Variants in CLEC16A observed in about 807,000 individuals in gnomAD.
The protein encoded by CLEC16A is protein CLEC16A.
A neutral mutation model predicts 109.5 loss-of-function variants in CLEC16A; 51 were observed. The ratio of observed to expected loss-of-function variants is 0.47; its 90% CI spans 0.37 to 0.59. The LOEUF is 0.59. Ranked by LOEUF, CLEC16A falls within the 20% of genes least tolerant of loss-of-function variation. CLEC16A has a pLI of 0.00. For synonymous variants in CLEC16A, 673 were observed against 564.2 expected, an observed-to-expected ratio of 1.19 and a Z score of -2.73; for missense variants, 1,339 against 1,394.0, an observed-to-expected ratio of 0.96 and a Z score of 0.63.
At chr16:11,065,790 G>A (rs1223718215) in intron 19 of CLEC16A, among the ~76,000 whole-genome samples, 1 of 152,216 alleles carries the variant, frequency 6.6e-6, no homozygotes, top group Non-Finnish European at 1.5e-5. Context: ...TTTAAGGATG[G>A]CAGAGGTGAG....
intron 22 of CLEC16A, among the ~76,000 whole-genome samples, chr16:11,137,111 A>G (rs981776441): frequency 6.6e-6 from 1 of 152,224 alleles, no homozygotes; most frequent in Non-Finnish European, 1.5e-5. Context: ...CATGACTTGC[A>G]TCTGTGTCTC....
Position 10,971,117 on chromosome 16 carries a change from T to G in CLEC16A, c.493-8T>G, listed in dbSNP as rs747798193. The G allele has an allele frequency of 3.1e-6, 5 of 1,600,962 alleles. No individual in the cohort carries two copies. The Admixed American group carries it at 8.3e-5, about 27-fold the overall frequency. ...TATAATTTGTTTTCGTTATTTCTTT[T>G]GTTTTAGCACACCAATGACTTTGCC... On this transcript the variant is annotated splice_region_variant and splice_polypyrimidine_tract_variant and intron_variant, in intron 4 of 23. Coordinates refer to ENST00000409790, the MANE Select transcript of CLEC16A (RefSeq NM_015226.3).
intron 22 of CLEC16A, chr16:11,156,971 G>A (rs776297709): frequency 1.9e-5 from 12 of 644,056 alleles, no homozygotes; most frequent in Non-Finnish European, 2.4e-5. Flanking sequence ...AGACTTGGCA[G>A]CCCTCACAGG....
At chr16:11,156,196 A>G (rs1235224850) in intron 22 of CLEC16A, among the ~76,000 whole-genome samples, 1 of 151,976 alleles carries the variant, frequency 6.6e-6, no homozygotes, top group African/African-American at 2.4e-5. Flanking sequence ...ACCCATCTCT[A>G]CTAAAAATAC....
In CLEC16A at chr16:10,944,642, T is replaced by A; in HGVS notation, c.-76T>A. ...CCGCCGCCGCATCCTCCGCTTGTGC[T>A]ACCGCCGCGGGCGCTGGGCCGCTCT... On this transcript the variant is annotated 5_prime_UTR_variant, in exon 1 of 24. Coordinates refer to ENST00000409790, the MANE Select transcript of CLEC16A (RefSeq NM_015226.3). 1 of 1,407,878 alleles carries A rather than the reference T, an allele frequency of 7.1e-7. No homozygotes were observed. 87.2% of individuals were successfully genotyped at this position (1,407,878 alleles called of 1,614,324 possible).
intron 19 of CLEC16A, among the ~76,000 whole-genome samples, chr16:11,096,448 C>T (rs1400207577): frequency 6.6e-6 from 1 of 152,088 alleles, no homozygotes; most frequent in African/African-American, 2.4e-5. Context: ...GACCTGTGTC[C>T]CAAGAAGCAC....
chr16:11,132,570 G>T (rs188807910), intron 22 of CLEC16A, among the ~76,000 whole-genome samples: 1 of 152,232 alleles, frequency 6.6e-6, no homozygotes, highest in East Asian at 1.9e-4. Context: ...GTTATTTCTG[G>T]TATATACCTA....
intron 11 of CLEC16A, among the ~76,000 whole-genome samples, chr16:11,019,038 G>C (rs1304438724): frequency 4.6e-5 from 7 of 152,196 alleles, no homozygotes; most frequent in Admixed American, 4.6e-4. Context: ...ATGAGCCGGG[G>C]GGAGGGAGAC....
intron 1 of CLEC16A, among the ~76,000 whole-genome samples, chr16:10,946,648 G>A (rs1158280649): frequency 6.6e-6 from 1 of 152,116 alleles, no homozygotes; most frequent in Admixed American, 6.5e-5. Context: ...CCGGCATCCA[G>A]GTACCTCCAG....
At chr16:11,144,148 C>CATAAA (rs2053956633) in intron 22 of CLEC16A, among the ~76,000 whole-genome samples, 1 of 152,238 alleles carries the variant, frequency 6.6e-6, no homozygotes, top group Non-Finnish European at 1.5e-5. Flanking sequence ...CCCAAGCTAC[C>CATAAA]TTATCCACCT....
At chr16:11,165,863 T>C (rs1242760410) in intron 22 of CLEC16A, among the ~76,000 whole-genome samples, 1 of 152,198 alleles carries the variant, frequency 6.6e-6, no homozygotes, top group Admixed American at 6.5e-5. Flanking sequence ...TGAACCTGAC[T>C]TCCCTAGAAC....
chr16:10,965,788 C>T (rs183765024), intron 3 of CLEC16A, among the ~76,000 whole-genome samples: 139 of 152,340 alleles, frequency 9.1e-4, no homozygotes, highest in African/African-American at 3.2e-3. Context: ...ATAATAGAGG[C>T]ACCTCCAACT....
intron 22 of CLEC16A, among the ~76,000 whole-genome samples, chr16:11,132,695 C>T (rs1429617631): frequency 1.3e-5 from 2 of 152,208 alleles, no homozygotes. Context: ...ATTCCTTGTT[C>T]TCTGACACTA....
intron 19 of CLEC16A, among the ~76,000 whole-genome samples, chr16:11,071,396 G>A (rs1173746052): frequency 1.3e-5 from 2 of 152,114 alleles, no homozygotes; most frequent in African/African-American, 4.8e-5. Context: ...GAATGTAAAT[G>A]TTGTGGAAGA....
intron 22 of CLEC16A, among the ~76,000 whole-genome samples, chr16:11,155,075 G>A (rs950498789): frequency 1.3e-5 from 2 of 152,110 alleles, no homozygotes; most frequent in Admixed American, 6.6e-5. Context: ...GCAGTGAGCC[G>A]GGATCATGCC....
chr16:10,972,909 C>T, intron 6 of CLEC16A, 29 bp from the exon 7 acceptor site: 5 of 1,521,132 alleles, frequency 3.3e-6, no homozygotes, highest in South Asian at 2.6e-5. Flanking sequence ...GGTAGCTTGA[C>T]TTTTTTTTTC....
intron 19 of CLEC16A, among the ~76,000 whole-genome samples, chr16:11,085,192 C>T (rs1311770186): frequency 6.6e-6 from 1 of 152,266 alleles, no homozygotes; most frequent in South Asian, 2.1e-4. Context: ...CATGAAGCCC[C>T]CACCCTGGGT....
intron 19 of CLEC16A, among the ~76,000 whole-genome samples, chr16:11,103,341 A>G (rs2051032721): frequency 6.6e-6 from 1 of 152,144 alleles, no homozygotes; most frequent in Non-Finnish European, 1.5e-5. Flanking sequence ...GCACTTTGGG[A>G]GGCTGAGGTG....
chr16:11,099,639 G>A (rs1014556557), intron 19 of CLEC16A, among the ~76,000 whole-genome samples: 8 of 152,160 alleles, frequency 5.3e-5, no homozygotes, highest in African/African-American at 1.7e-4. Context: ...TCCCAGCTCC[G>A]TCACTTTCTA....
Sources: allele counts gnomAD v4.1 joint callset (sites outside exome capture counted in the v4.1 genomes callset), GRCh38; gene constraint gnomAD v4.1.1; transcripts MANE v1.5; gene names NCBI Gene and HGNC (gene_info 2026-07-23, HGNC 2026-07-21).